Variants in SLC25A16 observed in about 807,000 individuals in gnomAD.
SLC25A16 encodes solute carrier family 25 member 16, also known as mitochondrial coenzyme A transporter SLC25A16.
SLC25A16 carries 39 observed loss-of-function variants against 41.5 expected under a neutral mutation model. The observed-to-expected ratio is 0.94, with a 90% CI of 0.73 to 1.23. The LOEUF is 1.23. Among genes scored for constraint, SLC25A16 ranks in the 50% most tolerant of loss-of-function variants. SLC25A16 has a pLI of 0.00. For missense variants in SLC25A16, 421 were observed against 426.9 expected (o/e 0.99, Z 0.12); for synonymous variants, 146 against 147.8 (o/e 0.99, Z 0.09).
At chr10:68,487,357 A>G (rs1298872661) in intron 7 of SLC25A16, 145 bp from the exon 8 acceptor site, 2 of 601,442 alleles carry the variant, frequency 3.3e-6, no homozygotes, top group Non-Finnish European at 5.9e-6. Context: ...ATATAGGCAT[A>G]TGAATAAAAT....
intron 3 of SLC25A16, among the ~76,000 whole-genome samples, chr10:68,505,831 A>G (rs1444620623): frequency 5.3e-5 from 8 of 152,088 alleles, no homozygotes; most frequent in Admixed American, 1.3e-4. Context: ...TCAGGAGTTC[A>G]GGACCAGCCT....
At position 68,516,628 on chromosome 10, in the gene SLC25A16, G is replaced by A. The variant is rs539670214; in HGVS notation, c.223+123C>T. On this transcript the variant is annotated intron_variant, in intron 2 of 8. Coordinates refer to ENST00000609923, the MANE Select transcript of SLC25A16 (RefSeq NM_152707.4). ...TTACTATTTATTCCTAATTAAATGG[G>A]GAAAAAAGTTTTTAAAGAGGAACCT... is the stretch of plus-strand genomic sequence containing the variant. The A allele has an allele frequency of 8.7e-5, 50 of 573,544 alleles. No individual in the cohort carries two copies. In the African/African-American group the frequency reaches 8.9e-4, roughly 10 times the overall value. 35.5% of individuals were successfully genotyped at this position (573,544 alleles called of 1,614,324 possible).
Position 68,520,189 on chromosome 10 carries a change from T to C in SLC25A16, c.131-3346A>G, listed in dbSNP as rs938521699. 2.0e-5 allele frequency among the ~76,000 whole-genome samples: 3 copies of C among 151,382 alleles called. No individual in the cohort carries two copies. The East Asian group carries it at 6.0e-4, about 30-fold the overall frequency. On this transcript the variant is annotated intron_variant, in intron 1 of 8. Transcript: ENST00000609923. ...GGCCAGACTGTTCTTGAACTCCTGA[T>C]CTCGTCATCCACCCGCCTCTACCTC...
Position 68,482,475 on chromosome 10 carries a change from C to G in SLC25A16, c.*957G>C, listed in dbSNP as rs1350707246. 1 of 152,426 alleles carries G rather than the reference C, an allele frequency of 6.6e-6. No homozygotes were observed. Among genetic ancestry groups the G allele is most frequent in the Admixed American group, 6.6e-5 (1 of 15,238 alleles). 9.4% of individuals were successfully genotyped at this position (152,426 alleles called of 1,614,324 possible). A position where few individuals can be genotyped will look rare whatever the true frequency, so the allele number is the denominator to read the frequency against. On this transcript the variant is annotated 3_prime_UTR_variant, in exon 9 of 9. Coordinates refer to ENST00000609923, the MANE Select transcript of SLC25A16 (RefSeq NM_152707.4). ...AGAACTAGTTGATGCATCATAATACCTTAGAAACATTTTTTGATATTCACA... is the reference window on the plus strand; with the variant it reads ...AGAACTAGTTGATGCATCATAATACGTTAGAAACATTTTTTGATATTCACA...
At chr10:68,483,793 G>A (rs2052515994) in intron 8 of SLC25A16, among the ~76,000 whole-genome samples, 1 of 152,116 alleles carries the variant, frequency 6.6e-6, no homozygotes, top group Non-Finnish European at 1.5e-5. Flanking sequence ...CTCCTGAGTA[G>A]CTGGGATTAC....
rs2053357399 is a variant in SLC25A16, at chr10:68,527,435, A to G, written c.-60T>C. The G allele has an allele frequency of 2.1e-6, 3 of 1,405,424 alleles. No homozygotes were observed. Among genetic ancestry groups the G allele is most frequent in the African/African-American group, 3.0e-5 (2 of 65,576 alleles). The allele number at this position is 1,405,424 out of a possible 1,614,324, so 87.1% of individuals were successfully genotyped here. Reference sequence around the variant, plus strand: ...AACTTACAGAACACCGGACGGGACCATAGCCGGAACAGGCGGTGACAGGAG... The same window carrying G: ...AACTTACAGAACACCGGACGGGACCGTAGCCGGAACAGGCGGTGACAGGAG... On this transcript the variant is annotated 5_prime_UTR_variant, in exon 1 of 9. An upstream start codon of the reference 5' UTR is lost. Coordinates refer to ENST00000609923, the MANE Select transcript of SLC25A16 (RefSeq NM_152707.4).
chr10:68,503,481 T>A (rs550709106), intron 4 of SLC25A16, 151 bp downstream of exon 4: 9 of 499,334 alleles, frequency 1.8e-5, no homozygotes, highest in Admixed American at 3.7e-5. Flanking sequence ...AATACATACC[T>A]TTTTTTGAGG....
rs181934727 is a variant in SLC25A16, at chr10:68,497,408, C to T, written c.422-3838G>A. ...GAACACGTTACTACTTCAAGGTTGA[C>T]TAAATATCAGTTATGAACAACCAAA... is the stretch of plus-strand genomic sequence containing the variant. On this transcript the variant is annotated intron_variant, in intron 4 of 8. Transcript: ENST00000609923. Among the ~76,000 whole-genome samples the T allele has an allele frequency of 1.2e-3, 184 of 152,232 alleles. 1 individual carries two copies. Among genetic ancestry groups the T allele is most frequent in the Admixed American group, 9.4e-3 (143 of 15,290 alleles).
chr10:68,511,984 G>A (rs183961843), intron 2 of SLC25A16, among the ~76,000 whole-genome samples: 3 of 152,140 alleles, frequency 2.0e-5, no homozygotes, highest in African/African-American at 7.2e-5. Context: ...AGCCTCCTTA[G>A]TAGCTGGGAT....
chr10:68,499,490 C>G (rs753198721), intron 4 of SLC25A16: 37 of 166,924 alleles, frequency 2.2e-4, no homozygotes, highest in Admixed American at 5.6e-4. Flanking sequence ...ACAAACCCTT[C>G]TCTTCCCTTT....
intron 2 of SLC25A16, among the ~76,000 whole-genome samples, chr10:68,511,250 A>G (rs1215028417): frequency 6.6e-6 from 1 of 152,220 alleles, no homozygotes; most frequent in Non-Finnish European, 1.5e-5. Context: ...TCAAAAAAGA[A>G]AAATTAAATT....
At chr10:68,493,080 G>C (rs1490300320) in intron 6 of SLC25A16, 52 bp downstream of exon 6, 5 of 936,034 alleles carry the variant, frequency 5.3e-6, no homozygotes, top group South Asian at 3.2e-5. Flanking sequence ...AAAAAAAAAA[G>C]GTAACAAATT....
intron 8 of SLC25A16, among the ~76,000 whole-genome samples, chr10:68,485,541 C>A (rs1156682308): frequency 2.6e-5 from 4 of 151,622 alleles, no homozygotes; most frequent in Non-Finnish European, 5.9e-5. Flanking sequence ...CTGCCACCAG[C>A]CCAGCTAATT....
At chr10:68,493,787 TG>T (rs898458139) in intron 4 of SLC25A16, among the ~76,000 whole-genome samples, 8 of 152,192 alleles carry the variant, frequency 5.3e-5, no homozygotes, top group African/African-American at 1.9e-4. Context: ...CTTCTCACTG[TG>T]AAGTTATACT....
chr10:68,501,064 C>A (rs1210494748), intron 4 of SLC25A16, among the ~76,000 whole-genome samples: 2 of 151,722 alleles, frequency 1.3e-5, no homozygotes, highest in Non-Finnish European at 2.9e-5. Context: ...CCAGCCTGGA[C>A]AACATGGTGA....
At chr10:68,523,284 G>A (rs1223362146) in intron 1 of SLC25A16, among the ~76,000 whole-genome samples, 1 of 151,954 alleles carries the variant, frequency 6.6e-6, no homozygotes, top group African/African-American at 2.4e-5. Context: ...GTACAGACTG[G>A]GTGTCACTAT....
chr10:68,522,378 T>C (rs964995439), intron 1 of SLC25A16, among the ~76,000 whole-genome samples: 8 of 151,860 alleles, frequency 5.3e-5, no homozygotes, highest in Non-Finnish European at 1.0e-4. Context: ...GAGAGGATTG[T>C]CAAAGAAAAG....
intron 6 of SLC25A16, among the ~76,000 whole-genome samples, chr10:68,490,144 C>T (rs1185414239): frequency 6.6e-6 from 1 of 151,922 alleles, no homozygotes; most frequent in African/African-American, 2.4e-5. Context: ...TGTCTGCAGT[C>T]CCAGTTACTC....
chr10:68,494,674 C>T (rs1397729917), intron 4 of SLC25A16, among the ~76,000 whole-genome samples: 2 of 143,252 alleles, frequency 1.4e-5, no homozygotes, highest in African/African-American at 5.0e-5. Flanking sequence ...GTCAGGAGTT[C>T]GAGACCAGCC....
Sources: allele counts gnomAD v4.1 joint callset (sites outside exome capture counted in the v4.1 genomes callset), GRCh38; gene constraint gnomAD v4.1.1; transcripts MANE v1.5; gene names NCBI Gene and HGNC (gene_info 2026-07-23, HGNC 2026-07-21).